PRELID2: variants seen among roughly 807,000 people sequenced by gnomAD.
PRELID2 encodes the protein PRELI domain containing 2.
PRELID2 carries 25 observed loss-of-function variants against 28.4 expected under a neutral mutation model. The ratio of observed to expected loss-of-function variants is 0.88; its 90% CI spans 0.64 to 1.23. The LOEUF is 1.23. PRELID2 is among the 50% of genes most tolerant of loss of function. The pLI, the probability that PRELID2 is intolerant of heterozygous loss-of-function variation, is 0.00. For synonymous variants in PRELID2, 76 were observed against 71.6 expected (o/e 1.06, Z -0.31); for missense variants, 201 against 214.4 (o/e 0.94, Z 0.39).
At chr5:145,413,611 TACACACACACACACACAC>T in the PRELID2 span, among the ~76,000 whole-genome samples, 5 of 140,062 alleles carry the variant, frequency 3.6e-5, no homozygotes, top group African/African-American at 1.1e-4. Flanking sequence ...ATGAAGAAAA[TACACACACACACACACAC>T]ACACACACAC....
intron 2 of PRELID2, among the ~76,000 whole-genome samples, chr5:145,821,834 C>A (rs1754855537): frequency 6.6e-6 from 1 of 152,184 alleles, no homozygotes; most frequent in African/African-American, 2.4e-5. Flanking sequence ...CTCATTTGAT[C>A]TTCCTAACAA....
At chr5:145,588,462 T>TATGAATGAATGA (rs1753183115) in intron 1 of PRELID2, among the ~76,000 whole-genome samples, 1 of 152,180 alleles carries the variant, frequency 6.6e-6, no homozygotes, top group Non-Finnish European at 1.5e-5. Context: ...CGTACTTAAG[T>TATGAATGAATGA]ATGAATGAAT....
chr5:145,421,523 A>T, the PRELID2 span, among the ~76,000 whole-genome samples: 1 of 146,902 alleles, frequency 6.8e-6, no homozygotes, highest in African/African-American at 2.5e-5. Context: ...ATTTGCATAG[A>T]GGTGTTTGTA....
intron 1 of PRELID2, among the ~76,000 whole-genome samples, chr5:145,544,991 C>T (rs1038501136): frequency 6.6e-6 from 1 of 152,194 alleles, no homozygotes; most frequent in South Asian, 2.1e-4. Context: ...CAAACCCACA[C>T]TCTGATAACT....
chr5:145,430,388 G>T, the PRELID2 span, among the ~76,000 whole-genome samples: 1 of 152,142 alleles, frequency 6.6e-6, no homozygotes, highest in African/African-American at 2.4e-5. Flanking sequence ...TATGAGAATT[G>T]CCGGGGAGTT....
the PRELID2 span, among the ~76,000 whole-genome samples, chr5:145,335,465 C>G: frequency 6.6e-6 from 1 of 152,112 alleles, no homozygotes; most frequent in African/African-American, 2.4e-5. Flanking sequence ...TCATAGATCT[C>G]CATTTCTTTA....
chr5:145,420,198 T>A, the PRELID2 span, among the ~76,000 whole-genome samples: 1 of 152,186 alleles, frequency 6.6e-6, no homozygotes, highest in Admixed American at 6.5e-5. Context: ...GGCTTAGGAT[T>A]GACTTGGCGA....
At chr5:145,463,755 C>T in the PRELID2 span, among the ~76,000 whole-genome samples, 1 of 152,078 alleles carries the variant, frequency 6.6e-6, no homozygotes, top group Non-Finnish European at 1.5e-5. Flanking sequence ...CAGTAAAGAT[C>T]CCACAGAGAC....
the PRELID2 span, among the ~76,000 whole-genome samples, chr5:145,416,786 C>A: frequency 4.0e-4 from 60 of 151,664 alleles, no homozygotes; most frequent in African/African-American, 1.5e-3. Context: ...AAGAAATAAC[C>A]AACAAAAGAG....
intron 4 of PRELID2, among the ~76,000 whole-genome samples, chr5:145,808,307 T>G (rs1753669936): frequency 6.6e-6 from 1 of 151,728 alleles, no homozygotes. Context: ...GTGCCAATCT[T>G]AAAAACACAC....
intron 1 of PRELID2, among the ~76,000 whole-genome samples, chr5:145,732,455 C>T (rs528938286): frequency 2.1e-4 from 32 of 152,302 alleles, no homozygotes; most frequent in African/African-American, 7.7e-4. Context: ...GTTCTATATC[C>T]GCACTGTCCT....
At chr5:145,623,231 A>C (rs999391642) in intron 1 of PRELID2, among the ~76,000 whole-genome samples, 3 of 151,836 alleles carry the variant, frequency 2.0e-5, no homozygotes, top group Non-Finnish European at 4.4e-5. Flanking sequence ...TGGGCAGATC[A>C]TGAGGTCATG....
At chr5:145,442,306 A>T in the PRELID2 span, among the ~76,000 whole-genome samples, 1 of 152,040 alleles carries the variant, frequency 6.6e-6, no homozygotes, top group East Asian at 1.9e-4. Flanking sequence ...TACAAAGATA[A>T]ATTCTGAATA....
intron 1 of PRELID2, among the ~76,000 whole-genome samples, chr5:145,829,062 G>T (rs992543627): frequency 1.3e-5 from 2 of 151,614 alleles, no homozygotes; most frequent in Non-Finnish European, 2.9e-5. Context: ...TGTTGTTGGT[G>T]GTGGTGGTGG....
intron 1 of PRELID2, among the ~76,000 whole-genome samples, chr5:145,739,026 CA>C (rs1246565035): frequency 6.6e-6 from 1 of 152,060 alleles, no homozygotes; most frequent in African/African-American, 2.4e-5. Flanking sequence ...GGCAAATTTT[CA>C]AGTGCTGAAA....
At chr5:145,233,880 A>G in the PRELID2 span, among the ~76,000 whole-genome samples, 1 of 152,210 alleles carries the variant, frequency 6.6e-6, no homozygotes, top group Non-Finnish European at 1.5e-5. Context: ...TAATAAAGCA[A>G]GTGTGTTTTT....
At chr5:145,258,546 A>G in the PRELID2 span, among the ~76,000 whole-genome samples, 2 of 152,186 alleles carry the variant, frequency 1.3e-5, no homozygotes, top group Non-Finnish European at 2.9e-5. Context: ...GATAGGTGGA[A>G]CTTTTACCTC....
chr5:145,259,053 CAT>C, the PRELID2 span, among the ~76,000 whole-genome samples: 4 of 152,212 alleles, frequency 2.6e-5, no homozygotes, highest in African/African-American at 7.2e-5. Context: ...AAGTGCAAGA[CAT>C]AAGCCTTGGC....
the PRELID2 span, among the ~76,000 whole-genome samples, chr5:145,373,287 A>T: frequency 3.8e-5 from 4 of 104,894 alleles, no homozygotes; most frequent in Non-Finnish European, 5.3e-5. Flanking sequence ...GATATATATT[A>T]CAACATATAT....
Sources: allele counts gnomAD v4.1 joint callset (sites outside exome capture counted in the v4.1 genomes callset), GRCh38; gene constraint gnomAD v4.1.1; transcripts MANE v1.5; gene names NCBI Gene and HGNC (gene_info 2026-07-23, HGNC 2026-07-21).